Variants in G2E3 observed in about 807,000 individuals in gnomAD.
The protein encoded by G2E3 is G2/M-phase specific E3 ubiquitin protein ligase.
Under a neutral mutation model 92.8 loss-of-function variants are expected in G2E3, and 35 were observed. That is an observed-to-expected ratio of 0.38 (90% CI 0.29 to 0.50). G2E3 has a LOEUF of 0.50. Ranked by LOEUF, G2E3 falls within the 20% of genes least tolerant of loss-of-function variation. G2E3 has a pLI of 0.94. For synonymous variants in G2E3, 242 were observed against 272.4 expected, an observed-to-expected ratio of 0.89 and a Z score of 1.10; for missense variants, 554 against 823.8, an observed-to-expected ratio of 0.67 and a Z score of 4.01.
At chr14:30,593,732 T>C in intron 6 of G2E3, 93 bp downstream of exon 6, 1 of 816,806 alleles carries the variant, frequency 1.2e-6, no homozygotes. Context: ...ACGTGTATAT[T>C]ACCTCTTACT....
At chr14:30,609,222 T>C (rs999354875) in intron 12 of G2E3, among the ~76,000 whole-genome samples, 1 of 152,212 alleles carries the variant, frequency 6.6e-6, no homozygotes, top group African/African-American at 2.4e-5. Flanking sequence ...GTTTTTCTTT[T>C]TGTGCCCTCT....
At position 30,618,247 on chromosome 14, in the gene G2E3, T is replaced by G. The variant is rs560324824; in HGVS notation, c.*1713T>G. Reference sequence around the variant, plus strand: ...ACATTTCTTTGGCTTTGGTTGAATTTTTTTGTCTCACCAATAGTAATTGAA... The same window carrying G: ...ACATTTCTTTGGCTTTGGTTGAATTGTTTTGTCTCACCAATAGTAATTGAA... On this transcript the variant is annotated 3_prime_UTR_variant, in exon 15 of 15. Transcript: ENST00000206595. 6.6e-6 allele frequency: 1 copy of G among 152,242 alleles called. No homozygotes were observed. The highest frequency in any genetic ancestry group is 1.5e-5 in the Non-Finnish European group (1 of 67,952). 9.4% of individuals were successfully genotyped at this position (152,242 alleles called of 1,614,324 possible).
chr14:30,569,697 G>A (rs1270097547), intron 1 of G2E3, among the ~76,000 whole-genome samples: 1 of 152,124 alleles, frequency 6.6e-6, no homozygotes, highest in Non-Finnish European at 1.5e-5. Flanking sequence ...GCTAGGACTG[G>A]AATAAGACCT....
chr14:30,569,259 G>T (rs1879617372), intron 1 of G2E3, among the ~76,000 whole-genome samples: 1 of 152,104 alleles, frequency 6.6e-6, no homozygotes, highest in African/African-American at 2.4e-5. Context: ...CTTGATCTCA[G>T]AAACTTCTGA....
intron 13 of G2E3, among the ~76,000 whole-genome samples, chr14:30,614,712 AAGTC>A (rs1336344864): frequency 3.9e-5 from 6 of 152,234 alleles, no homozygotes; most frequent in Non-Finnish European, 8.8e-5. Flanking sequence ...GAAATTTAGA[AAGTC>A]AGGCAAAAAT....
chr14:30,613,735 CATTAT>C (rs1882195496), intron 13 of G2E3, among the ~76,000 whole-genome samples: 1 of 150,984 alleles, frequency 6.6e-6, no homozygotes, highest in Non-Finnish European at 1.5e-5. Context: ...TTTAAAGATA[CATTAT>C]GAGTGTGTCC....
At chr14:30,571,040 A>T (rs1021160323) in intron 1 of G2E3, among the ~76,000 whole-genome samples, 14 of 152,122 alleles carry the variant, frequency 9.2e-5, no homozygotes, top group African/African-American at 3.4e-4. Flanking sequence ...CTTACGTAAC[A>T]TAAGGTCACA....
At chr14:30,615,178 C>G (rs889872745) in intron 13 of G2E3, among the ~76,000 whole-genome samples, 171 bp from the exon 14 acceptor site, 1 of 152,146 alleles carries the variant, frequency 6.6e-6, no homozygotes, top group Non-Finnish European at 1.5e-5. Context: ...CATATCTTCT[C>G]TTTTTCCTCA....
At chr14:30,574,998 A>G (rs1193904053) in intron 1 of G2E3, among the ~76,000 whole-genome samples, 4 of 152,214 alleles carry the variant, frequency 2.6e-5, no homozygotes, top group African/African-American at 9.6e-5. Flanking sequence ...GTGGATTGCC[A>G]TACTGCTTTC....
At chr14:30,560,429 A>G in intron 1 of G2E3, 2 of 221,358 alleles carry the variant, frequency 9.0e-6, no homozygotes, top group Admixed American at 5.3e-5. Flanking sequence ...AGTGCTGGCT[A>G]TTCCAGCACC....
chr14:30,584,135 T>G lies in G2E3; in HGVS notation c.38-2583T>G, dbSNP rs186370977. ...TAAATTGAGTAATATTGTGACCCTTTGTGTGTGTTTGACTTCTTTCACTTA... is the reference window on the plus strand; with the variant it reads ...TAAATTGAGTAATATTGTGACCCTTGGTGTGTGTTTGACTTCTTTCACTTA... On this transcript the variant is annotated intron_variant, in intron 2 of 14. Transcript: ENST00000206595. 8.5e-5 allele frequency among the ~76,000 whole-genome samples: 13 copies of G among 152,344 alleles called. No individual in the cohort carries two copies. In the East Asian group the frequency reaches 2.5e-3, roughly 29 times the overall value.
At chr14:30,593,663 T>G (rs1881130149) in intron 6 of G2E3, 24 bp downstream of exon 6, 2 of 1,523,864 alleles carry the variant, frequency 1.3e-6, no homozygotes, top group Non-Finnish European at 1.8e-6. Context: ...TTTGTAAGCT[T>G]TCTCTGATTG....
rs1334028355 is a variant in G2E3, at chr14:30,618,704, G to A, written c.*2170G>A. ...TTGCAAAATGTTTTCTAGTTTGAAG[G>A]ATGTTCCATTATTACCATTTTTAGA... On this transcript the variant is annotated 3_prime_UTR_variant, in exon 15 of 15. Transcript: ENST00000206595. 2.6e-5 allele frequency: 4 copies of A among 152,042 alleles called. No homozygotes were observed. Among genetic ancestry groups the A allele is most frequent in the Admixed American group, 2.6e-4 (4 of 15,262 alleles). 9.4% of individuals were successfully genotyped at this position (152,042 alleles called of 1,614,324 possible).
intron 1 of G2E3, among the ~76,000 whole-genome samples, chr14:30,567,773 A>G (rs1209602236): frequency 5.3e-5 from 8 of 151,764 alleles, no homozygotes; most frequent in Non-Finnish European, 1.2e-4. Flanking sequence ...AGTATTTTCT[A>G]ATTTCCCTTG....
At chr14:30,563,735 GTGTGA>G (rs1879262932) in intron 1 of G2E3, among the ~76,000 whole-genome samples, 1 of 147,260 alleles carries the variant, frequency 6.8e-6, no homozygotes, top group African/African-American at 2.5e-5. Context: ...GTGTGTGTGT[GTGTGA>G]TATAGAGTCT....
At chr14:30,610,123 A>G (rs1882018595) in intron 12 of G2E3, among the ~76,000 whole-genome samples, 1 of 151,516 alleles carries the variant, frequency 6.6e-6, no homozygotes, top group East Asian at 1.9e-4. Flanking sequence ...GGCTTTATCT[A>G]CTCCAGTTTC....
intron 1 of G2E3, chr14:30,560,830 A>G: frequency 1.4e-6 from 1 of 701,164 alleles, no homozygotes; most frequent in Non-Finnish European, 2.6e-6. Flanking sequence ...CAGTCTGCAT[A>G]TTTAACTGAA....
rs1266415877 is a variant in G2E3 at position 30,618,874 on chromosome 14, AAAG to A, written c.*2343_*2345del. 17 of 152,060 alleles carry A rather than the reference AAAG, an allele frequency of 1.1e-4. No homozygotes were observed. Among genetic ancestry groups the A allele is most frequent in the Non-Finnish European group, 2.2e-4 (15 of 67,924 alleles). 9.4% of individuals were successfully genotyped at this position (152,060 alleles called of 1,614,324 possible). ...CATAATTCTTACATTAGATTTTAAA[AAAG>A]AATTATGCTATAAATCTTTATAAAT... On this transcript the variant is annotated 3_prime_UTR_variant, in exon 15 of 15. Coordinates refer to ENST00000206595, the MANE Select transcript of G2E3 (RefSeq NM_017769.5).
chr14:30,595,133 G>A (rs1881218603), intron 6 of G2E3, among the ~76,000 whole-genome samples: 1 of 151,982 alleles, frequency 6.6e-6, no homozygotes. Flanking sequence ...GCAAGATTCT[G>A]TCTTTAAAAA....
Sources: gnomAD v4.1 joint callset for allele counts (sites outside exome capture counted in the v4.1 genomes callset) on GRCh38, gnomAD v4.1.1 for gene constraint, MANE v1.5 for transcripts, NCBI Gene and HGNC (gene_info 2026-07-23, HGNC 2026-07-21) for gene names.